PRMT7: variants seen among roughly 807,000 people sequenced by gnomAD.
PRMT7 encodes the protein protein arginine N-methyltransferase 7.
In PRMT7, 75 loss-of-function variants were observed where a neutral mutation model predicts 85.4. The ratio of observed to expected loss-of-function variants is 0.88; its 90% CI spans 0.73 to 1.06. The LOEUF (loss-of-function observed/expected upper bound fraction) is 1.06. PRMT7 is among the 50% of genes least tolerant of loss of function. PRMT7 has a pLI of 0.00. For missense variants in PRMT7, 868 were observed against 915.2 expected, an observed-to-expected ratio of 0.95 and a Z score of 0.67; for synonymous variants, 397 against 359.5, an observed-to-expected ratio of 1.10 and a Z score of -1.18.
At chr16:68,347,721 G>C in intron 13 of PRMT7, 43 bp downstream of exon 13, 1 of 1,591,872 alleles carries the variant, frequency 6.3e-7, no homozygotes, top group Non-Finnish European at 8.6e-7. Context: ...GAGGACCTGT[G>C]GGGTCTGGGT....
intron 3 of PRMT7, among the ~76,000 whole-genome samples, chr16:68,319,248 G>T (rs1008761314): frequency 1.3e-5 from 2 of 152,160 alleles, no homozygotes; most frequent in African/African-American, 4.8e-5. Context: ...TCAAGGGGGT[G>T]TGGAATGTGA....
At chr16:68,318,962 C>G (rs2082183347) in intron 3 of PRMT7, 1 of 152,180 alleles carries the variant, frequency 6.6e-6, no homozygotes, top group Non-Finnish European at 1.5e-5. Context: ...GCTGCATAGT[C>G]CCAGAGGAGA....
intron 3 of PRMT7, among the ~76,000 whole-genome samples, chr16:68,320,147 C>A (rs1048492285): frequency 2.6e-5 from 4 of 152,126 alleles, no homozygotes; most frequent in African/African-American, 7.2e-5. Flanking sequence ...AAGTATTAGG[C>A]AGATTGAGTC....
chr16:68,326,350 A>G (rs1280749880), intron 5 of PRMT7, among the ~76,000 whole-genome samples: 2 of 152,138 alleles, frequency 1.3e-5, no homozygotes, highest in Non-Finnish European at 2.9e-5. Context: ...GGTTCAAGCA[A>G]TTCTCTTTTC....
chr16:68,336,527 C>T (rs550509158), intron 6 of PRMT7, among the ~76,000 whole-genome samples: 5 of 152,222 alleles, frequency 3.3e-5, no homozygotes, highest in African/African-American at 1.2e-4. Context: ...TTGGCTTTCC[C>T]TCCCTCTCCC....
chr16:68,316,085 G>C lies in PRMT7; in HGVS notation c.95+11G>C. ...CCAGGAGATTGCAAGGTACTGGGTT[G>C]GTTTACAGCAGGCTGCAGCTGGGTG... On this transcript the variant is annotated intron_variant, in intron 3 of 18. Transcript: ENST00000441236. The C allele has an allele frequency of 6.2e-7, 1 of 1,611,926 alleles. No individual in the cohort carries two copies. Among genetic ancestry groups the C allele is most frequent in the East Asian group, 2.2e-5 (1 of 44,860 alleles).
Position 68,339,448 on chromosome 16 carries a change from G to A in PRMT7, c.631G>A (p.Val211Ile), listed in dbSNP as rs766621192. The change falls in exon 8 of 19, where the codon GTC (valine) becomes ATC (isoleucine). Residue 211 changes from valine (V) to isoleucine (I), a missense_variant. Val to Ile is a conservative substitution (Grantham distance 29). Coordinates refer to ENST00000441236, the MANE Select transcript of PRMT7 (RefSeq NM_019023.5). ...GACCAGCCTCGGAGAGCAGGTCATCGTCCCTCCCGTTGACGTGGAGAGCTG... is the reference window on the plus strand; with the variant it reads ...GACCAGCCTCGGAGAGCAGGTCATCATCCCTCCCGTTGACGTGGAGAGCTG... ...VQTSLGEQVI[V>I]PPVDVESCPG... The A allele has an allele frequency of 1.2e-5, 20 of 1,614,064 alleles. No individual in the cohort carries two copies. Among genetic ancestry groups the A allele is most frequent in the South Asian group, 2.2e-5 (2 of 91,084 alleles).
At chr16:68,340,652 A>C (rs1173318274) in intron 9 of PRMT7, among the ~76,000 whole-genome samples, 1 of 152,164 alleles carries the variant, frequency 6.6e-6, no homozygotes, top group African/African-American at 2.4e-5. Context: ...TAGTGAATAA[A>C]GTTTAAACAG....
intron 2 of PRMT7, 79 bp from the exon 3 acceptor site, chr16:68,315,818 T>G: frequency 3.1e-6 from 2 of 636,822 alleles, no homozygotes; most frequent in East Asian, 2.9e-5. Context: ...CCCTCCACAT[T>G]TTGGGGCATT....
intron 14 of PRMT7, 118 bp from the exon 15 acceptor site, chr16:68,352,130 G>A (rs771210882): frequency 5.6e-6 from 6 of 1,066,140 alleles, no homozygotes; most frequent in African/African-American, 1.6e-5. Context: ...GGGAGGGAGA[G>A]GGAGGGAGTG....
chr16:68,317,958 C>A (rs979447393), intron 3 of PRMT7, among the ~76,000 whole-genome samples: 1 of 151,952 alleles, frequency 6.6e-6, no homozygotes, highest in Admixed American at 6.6e-5. Flanking sequence ...AAAGCATACG[C>A]GGGGTCATTT....
downstream of PRMT7, chr16:68,360,314 C>G (rs1401720156): frequency 6.6e-6 from 1 of 151,688 alleles, no homozygotes. Flanking sequence ...GGATCCCCCC[C>G]ACCCCCGTTT....
At chr16:68,348,165 G>A (rs1051973739) in intron 13 of PRMT7, among the ~76,000 whole-genome samples, 177 bp from the exon 14 acceptor site, 1 of 152,130 alleles carries the variant, frequency 6.6e-6, no homozygotes, top group Admixed American at 6.5e-5. Context: ...GATCTCATCC[G>A]TGGTCTATAG....
In PRMT7 at chr16:68,329,146, G is replaced by A. The variant is rs758733498; in HGVS notation, c.363G>A (p.Lys121=). 3.7e-6 allele frequency: 6 copies of A among 1,605,660 alleles called. No homozygotes were observed. Among genetic ancestry groups the A allele is most frequent in the East Asian group, 4.5e-5 (2 of 44,814 alleles). ...GTGATAAGATTAAGGTTATCAACAAGCATTCCACCGAGGTGACTGTAGGTC... is the reference window on the plus strand; with the variant it reads ...GTGATAAGATTAAGGTTATCAACAAACATTCCACCGAGGTGACTGTAGGTC... ...GFSDKIKVIN[K]HSTEVTVGPE... The change falls in exon 6 of 19, where the codon AAG becomes AAA. Residue 121 remains lysine, a synonymous_variant. Coordinates refer to ENST00000441236, the MANE Select transcript of PRMT7 (RefSeq NM_019023.5).
intron 11 of PRMT7, among the ~76,000 whole-genome samples, chr16:68,346,744 T>G (rs927363518): frequency 6.7e-6 from 1 of 150,292 alleles, no homozygotes; most frequent in Non-Finnish European, 1.5e-5. Context: ...CCCTTGGGGG[T>G]GTGTACAGAA....
chr16:68,347,727 TG>T, intron 13 of PRMT7, 49 bp downstream of exon 13: 1 of 1,568,356 alleles, frequency 6.4e-7, no homozygotes. Flanking sequence ...CTGTGGGGTC[TG>T]GGTTGATGGC....
chr16:68,334,467 C>A (rs191010232), intron 6 of PRMT7, among the ~76,000 whole-genome samples: 61 of 152,306 alleles, frequency 4.0e-4, no homozygotes, highest in Admixed American at 1.4e-3. Flanking sequence ...ATCTCTTCAT[C>A]TTGGTTCTCC....
intron 3 of PRMT7, chr16:68,316,901 G>C (rs2081922128): frequency 6.8e-6 from 1 of 147,312 alleles, no homozygotes; most frequent in South Asian, 2.1e-4. Flanking sequence ...TTGTGGAAGA[G>C]ACAGGCACAT....
chr16:68,340,619 A>G (rs753899630), intron 9 of PRMT7, among the ~76,000 whole-genome samples: 5 of 152,130 alleles, frequency 3.3e-5, no homozygotes, highest in Non-Finnish European at 5.9e-5. Context: ...TTTAAACTGC[A>G]ATGAGATCTC....
Sources: gnomAD v4.1 joint callset for allele counts (sites outside exome capture counted in the v4.1 genomes callset) on GRCh38, gnomAD v4.1.1 for gene constraint, MANE v1.5 for transcripts, NCBI Gene and HGNC (gene_info 2026-07-23, HGNC 2026-07-21) for gene names.